The following UPF2 variants were observed in gnomAD, a reference collection of about 807,000 sequenced individuals.
UPF2 encodes UPF2 regulator of nonsense mediated mRNA decay.
In UPF2, 17 loss-of-function variants were observed where a neutral mutation model predicts 141.4. The ratio of observed to expected loss-of-function variants is 0.12; its 90% confidence interval spans 0.08 to 0.18. The LOEUF is 0.18. UPF2 is among the 10% of genes least tolerant of loss of function. The pLI is 1.00. For synonymous variants in UPF2, 540 were observed against 498.0 expected (o/e 1.08, Z -1.12); for missense variants, 1,152 against 1,515.9 (o/e 0.76, Z 3.99).
chr10:11,964,163 T>C (rs368838059), intron 10 of UPF2, 38 bp from the exon 11 acceptor site: 2 of 1,461,534 alleles, frequency 1.4e-6, no homozygotes, highest in South Asian at 1.2e-5. Context: ...CAAAGGCAAC[T>C]CTTCAATCCT....
At chr10:11,983,603 AACTCGTG>A (rs1356834932) in intron 8 of UPF2, among the ~76,000 whole-genome samples, 1 of 152,076 alleles carries the variant, frequency 6.6e-6, no homozygotes, top group Non-Finnish European at 1.5e-5. Flanking sequence ...CGATCTCCTG[AACTCGTG>A]ATCCACCTGC....
In UPF2 at chr10:11,993,721, C is replaced by T. The variant is rs574944116; in HGVS notation, c.1844+3951G>A. Among the ~76,000 whole-genome samples the T allele has an allele frequency of 9.9e-5, 15 of 152,222 alleles. No homozygotes were observed. In the South Asian group the frequency reaches 2.7e-3, roughly 27 times the overall value. On this transcript the variant is annotated intron_variant, in intron 8 of 21. Transcript: ENST00000357604. ...GGCACAGCGGCTCATGCCTGTAATC[C>T]CTGCACTTTCGGAGGCCAAAGCAGG...
chr10:11,940,089 T>A lies in UPF2; in HGVS notation c.3378+2576A>T, dbSNP rs963505743. ...TTCTCATCAAAACAAAGAGACTCTG[T>A]ACAGTTGTTCAGTATTTTGATAATG... On this transcript the variant is annotated intron_variant, in intron 18 of 21. Coordinates refer to ENST00000357604, the MANE Select transcript of UPF2 (RefSeq NM_015542.4). The surrounding 1 kb of genome is among the most constrained non-coding windows in gnomAD (Gnocchi z 4.2). Among the ~76,000 whole-genome samples, 3 of 152,304 alleles carry A rather than the reference T, an allele frequency of 2.0e-5. No individual in the cohort carries two copies. Among genetic ancestry groups the A allele is most frequent in the African/African-American group, 7.2e-5 (3 of 41,560 alleles).
rs1834184784 is a variant in UPF2 at position 12,014,485 on chromosome 10, CT to C, written c.1146-302del. On this transcript the variant is annotated intron_variant, in intron 3 of 21. Transcript: ENST00000357604. This position sits in a 1 kb window ranked among gnomAD's most constrained non-coding sequence, Gnocchi z 5.0. ...TATTCAGTATTTTATTACAGTCACA[CT>C]CTTCTCAGATATAGAGTTAACCAAA... is the stretch of plus-strand genomic sequence containing the variant. 6.6e-6 allele frequency among the ~76,000 whole-genome samples: 1 copy of C among 152,106 alleles called. No individual in the cohort carries two copies. The highest frequency in any genetic ancestry group is 2.1e-4 in the South Asian group (1 of 4,832).
chr10:11,931,527 GA>G lies in UPF2; in HGVS notation c.3688+113del, dbSNP rs1832781696. Reference sequence around the variant, plus strand: ...AAAGAAAAACAGTGGGATACAAAATGAATTTCTCAGCATAAATATGGAAAAA... The same window carrying G: ...AAAGAAAAACAGTGGGATACAAAATGATTTCTCAGCATAAATATGGAAAAA... On this transcript the variant is annotated intron_variant, in intron 20 of 21. Transcript: ENST00000357604. The surrounding 1 kb of genome is among the most constrained non-coding windows in gnomAD (Gnocchi z 5.9). 1 of 1,117,752 alleles carries G rather than the reference GA, an allele frequency of 8.9e-7. No homozygotes were observed. The highest frequency in any genetic ancestry group is 3.1e-5 in the Admixed American group (1 of 32,292). 69.2% of individuals were successfully genotyped at this position (1,117,752 alleles called of 1,614,324 possible). A position where few individuals can be genotyped will look rare whatever the true frequency, so the allele number is the denominator to read the frequency against.
intron 19 of UPF2, among the ~76,000 whole-genome samples, chr10:11,933,136 C>T (rs1019141946): frequency 6.6e-6 from 1 of 152,082 alleles, no homozygotes; most frequent in African/African-American, 2.4e-5. Flanking sequence ...CTAATGACCA[C>T]AACAGAAAGT....
chr10:11,962,077 A>G (rs1833249844), intron 11 of UPF2, among the ~76,000 whole-genome samples: 1 of 152,236 alleles, frequency 6.6e-6, no homozygotes, highest in Non-Finnish European at 1.5e-5. Flanking sequence ...TCTTTGGACA[A>G]AATAGAATGC....
intron 18 of UPF2, among the ~76,000 whole-genome samples, chr10:11,937,023 T>C (rs1832861163): frequency 6.6e-6 from 1 of 152,202 alleles, no homozygotes; most frequent in Non-Finnish European, 1.5e-5. Context: ...GCTCCTCAAA[T>C]ACACTACACC....
intron 3 of UPF2, among the ~76,000 whole-genome samples, chr10:12,017,284 T>C (rs1249000413): frequency 6.6e-6 from 1 of 152,214 alleles, no homozygotes; most frequent in East Asian, 1.9e-4. Context: ...AAAACTTTAA[T>C]TCTCTTAACA....
intron 1 of UPF2, among the ~76,000 whole-genome samples, chr10:12,038,520 T>C (rs192416616): frequency 2.7e-5 from 4 of 150,036 alleles, no homozygotes; most frequent in African/African-American, 9.8e-5. Flanking sequence ...CTTGAGGTCA[T>C]GAGTTCAAGA....
chr10:12,027,588 C>G (rs996704085), intron 3 of UPF2, among the ~76,000 whole-genome samples: 5 of 152,214 alleles, frequency 3.3e-5, no homozygotes, highest in Admixed American at 6.6e-5. Context: ...AAAGTTTAAA[C>G]CAGTCCTCGC....
chr10:11,971,939 C>T (rs1165744873), intron 9 of UPF2, among the ~76,000 whole-genome samples: 1 of 151,936 alleles, frequency 6.6e-6, no homozygotes, highest in East Asian at 1.9e-4. Flanking sequence ...TGGCCTGTGC[C>T]TGTAGTCCCA....
At position 11,999,986 on chromosome 10, in the gene UPF2, T is replaced by C. The variant is rs577283879; in HGVS notation, c.1678A>G (p.Thr560Ala). The C allele has an allele frequency of 5.0e-5, 80 of 1,609,436 alleles. 2 individuals carry two copies. The South Asian group carries it at 8.7e-4, about 17-fold the overall frequency. The change falls in exon 7 of 22, where the codon ACT becomes GCT. Residue 560 changes from threonine to alanine, a missense_variant. By Grantham distance (58) the Thr-to-Ala change is moderately conservative. Transcript: ENST00000357604. ...ACTATGAGCTTGAGATGAGATCCAG[T>C]GCTGGCTTCCTCATCTTCTTGTTCT... ...EQEQEDEEAS[T>A]GSHLKLIVDA...
At chr10:11,962,095 A>G (rs1305221856) in intron 11 of UPF2, among the ~76,000 whole-genome samples, 1 of 152,228 alleles carries the variant, frequency 6.6e-6, no homozygotes, top group African/African-American at 2.4e-5. Flanking sequence ...TGCATCATTT[A>G]ACTTATCACT....
chr10:11,934,257 G>A (rs1832816118), intron 19 of UPF2, among the ~76,000 whole-genome samples: 1 of 152,202 alleles, frequency 6.6e-6, no homozygotes, highest in Non-Finnish European at 1.5e-5. Context: ...GCATTTCCAG[G>A]TGCTCTGAGG....
At chr10:12,037,111 G>T (rs1303211835) in intron 1 of UPF2, among the ~76,000 whole-genome samples, 2 of 152,122 alleles carry the variant, frequency 1.3e-5, no homozygotes, top group African/African-American at 4.8e-5. Context: ...TTGAAACAGG[G>T]TCTCACTTTG....
rs1834187762 is a variant in UPF2, at chr10:12,014,646, T to C, written c.1146-462A>G. Among the ~76,000 whole-genome samples the C allele has an allele frequency of 6.6e-6, 1 of 152,132 alleles. No individual in the cohort carries two copies. The highest frequency in any genetic ancestry group is 1.5e-5 in the Non-Finnish European group (1 of 68,030). The stretch of plus-strand genomic sequence containing the variant: ...CACAAAATAATCAAAAATTATTTGG[T>C]TTTTTATTACTGTCATACTCCCCTC... On this transcript the variant is annotated intron_variant, in intron 3 of 21. Coordinates refer to ENST00000357604, the MANE Select transcript of UPF2 (RefSeq NM_015542.4). The surrounding 1 kb of genome is among the most constrained non-coding windows in gnomAD (Gnocchi z 5.0).
rs772581115 is a variant in UPF2, at chr10:11,936,511, A to G, written c.3546+34T>C. On this transcript the variant is annotated intron_variant, in intron 19 of 21. Coordinates refer to ENST00000357604, the MANE Select transcript of UPF2 (RefSeq NM_015542.4). This position sits in a 1 kb window ranked among gnomAD's most constrained non-coding sequence, Gnocchi z 6.6. Reference sequence around the variant, plus strand: ...TTAAAACCTAACTGTATAACTCACAATCAGCTATAATTACAGGGCGGGCAG... The same window carrying G: ...TTAAAACCTAACTGTATAACTCACAGTCAGCTATAATTACAGGGCGGGCAG... The G allele has an allele frequency of 6.4e-7, 1 of 1,555,082 alleles. No individual in the cohort carries two copies.
At chr10:11,991,782 C>A (rs1200703367) in intron 8 of UPF2, among the ~76,000 whole-genome samples, 1 of 152,172 alleles carries the variant, frequency 6.6e-6, no homozygotes, top group East Asian at 1.9e-4. Context: ...GTAACATAGC[C>A]CCAATTCTGA....
Sources: gnomAD v4.1 joint callset for allele counts (sites outside exome capture counted in the v4.1 genomes callset) on GRCh38, gnomAD v4.1.1 for gene constraint, Gnocchi (gnomAD v3.1) non-coding constraint, MANE v1.5 for transcripts, NCBI Gene and HGNC (gene_info 2026-07-23, HGNC 2026-07-21) for gene names.